Variants in SAXO1 observed in about 807,000 individuals in gnomAD.
SAXO1 encodes stabilizer of axonemal microtubules 1.
In SAXO1, 21 loss-of-function variants were observed where a neutral mutation model predicts 17.5. That is an observed-to-expected ratio of 1.20 (90% CI 0.85 to 1.72). SAXO1 has a LOEUF of 1.72. SAXO1 is among the 40% of genes most tolerant of loss of function. The pLI is 0.00. For synonymous variants in SAXO1, 274 were observed against 216.5 expected, an observed-to-expected ratio of 1.27 and a Z score of -2.33; for missense variants, 843 against 596.0, an observed-to-expected ratio of 1.41 and a Z score of -4.32.
At position 19,032,788 on chromosome 9, in the gene SAXO1, G is replaced by A. The variant is rs370430975; in HGVS notation, c.38+83C>T. On this transcript the variant is annotated intron_variant, in intron 1 of 3. Coordinates refer to ENST00000380534, the MANE Select transcript of SAXO1 (RefSeq NM_153707.4). ...CGAACCCACCGTGATGCCGCCTGATGAAGCAGCTGGGGGAGGCTTCCCTTC... is the reference window on the plus strand; with the variant it reads ...CGAACCCACCGTGATGCCGCCTGATAAAGCAGCTGGGGGAGGCTTCCCTTC... 2.9e-4 allele frequency: 432 copies of A among 1,490,330 alleles called. 4 individuals carry two copies. In the East Asian group the frequency reaches 8.8e-3, roughly 30 times the overall value. The allele number at this position is 1,490,330 out of a possible 1,614,324, so 92.3% of individuals were successfully genotyped here.
chr9:19,007,973 CT>C (rs112830612), intron 1 of SAXO1, among the ~76,000 whole-genome samples: 6,836 of 140,020 alleles, frequency 0.049, 255 homozygotes, highest in African/African-American at 0.11. Context: ...ACTACCAGGT[CT>C]TTTTTTTTTT....
chr9:18,959,467 G>A (rs1832394225), intron 1 of SAXO1, among the ~76,000 whole-genome samples: 1 of 152,124 alleles, frequency 6.6e-6, no homozygotes, highest in Admixed American at 6.6e-5. Context: ...GAGTGCACGA[G>A]GCAGGACTAG....
At chr9:18,980,861 T>C (rs1447780267) in intron 1 of SAXO1, among the ~76,000 whole-genome samples, 1 of 146,696 alleles carries the variant, frequency 6.8e-6, no homozygotes, top group Non-Finnish European at 1.5e-5. Context: ...TCACCGCTCA[T>C]CCATCAGTTA....
chr9:18,936,128 C>CTCCT (rs1831279066), intron 3 of SAXO1, among the ~76,000 whole-genome samples: 1 of 152,164 alleles, frequency 6.6e-6, no homozygotes, highest in African/African-American at 2.4e-5. Flanking sequence ...ATTTGCCAAG[C>CTCCT]TCCTTACTCC....
intron 1 of SAXO1, among the ~76,000 whole-genome samples, chr9:18,954,706 T>C (rs1832183168): frequency 6.6e-6 from 1 of 152,142 alleles, no homozygotes; most frequent in Non-Finnish European, 1.5e-5. Context: ...CATTATGTTA[T>C]GTAGATGAAA....
chr9:18,982,956 T>C (rs1233632149), intron 1 of SAXO1, among the ~76,000 whole-genome samples: 1 of 152,084 alleles, frequency 6.6e-6, no homozygotes, highest in African/African-American at 2.4e-5. Flanking sequence ...GTGTGAACAC[T>C]AAGGATGCTG....
chr9:18,948,801 G>A (rs1462197272), intron 2 of SAXO1, among the ~76,000 whole-genome samples: 1 of 152,116 alleles, frequency 6.6e-6, no homozygotes, highest in Non-Finnish European at 1.5e-5. Flanking sequence ...TATACTTTCA[G>A]GATAGGAAAT....
rs10121570 is a variant in SAXO1, at chr9:18,989,788, G to T, written c.39-38851C>A. 6.5e-3 allele frequency among the ~76,000 whole-genome samples: 989 copies of T among 152,270 alleles called. 11 individuals are homozygous for T. Among genetic ancestry groups the T allele is most frequent in the African/African-American group, 0.023 (942 of 41,552 alleles). On this transcript the variant is annotated intron_variant, in intron 1 of 3. Transcript: ENST00000380534. ...TGTAGGTAGCAGGCAGCTTTTCATG[G>T]TGTACAACTTGAGGGACATGATAAG...
intron 1 of SAXO1, among the ~76,000 whole-genome samples, chr9:18,976,647 T>C (rs1049098954): frequency 2.0e-5 from 3 of 152,320 alleles, no homozygotes; most frequent in South Asian, 2.1e-4. Flanking sequence ...CCGCACTCTT[T>C]ACGAGGTTAA....
intron 1 of SAXO1, chr9:19,027,730 G>T (rs1273012697): frequency 2.8e-6 from 4 of 1,430,690 alleles, no homozygotes; most frequent in Middle Eastern, 1.8e-4. Flanking sequence ...TTGACAGCGA[G>T]AAGTCCGGGG....
At chr9:18,990,283 G>A (rs1256048009) in intron 1 of SAXO1, among the ~76,000 whole-genome samples, 1 of 151,472 alleles carries the variant, frequency 6.6e-6, no homozygotes, top group East Asian at 1.9e-4. Flanking sequence ...TATAACAAAC[G>A]CTCCCAGTTA....
rs539531857 is a variant in SAXO1, at chr9:18,928,350, G to C, written c.1127C>G (p.Ala376Gly). 5 of 1,613,368 alleles carry C rather than the reference G, an allele frequency of 3.1e-6. No homozygotes were observed. The African/African-American group carries it at 5.3e-5, about 17-fold the overall frequency. Reference protein sequence around the residue: ...EPLDCLTTTRAHYVPHLPINT... With the variant: ...EPLDCLTTTRGHYVPHLPINT... ...GATAGGCAGGTGGGGCACATAGTGGGCCCGAGTGGTGGTCAGGCAGTCCAG... is the reference window on the plus strand; with the variant it reads ...GATAGGCAGGTGGGGCACATAGTGGCCCCGAGTGGTGGTCAGGCAGTCCAG... The change falls in exon 4 of 4, where the codon GCC (alanine) becomes GGC (glycine). Residue 376 changes from alanine to glycine, a missense_variant. Physicochemically the swap from Ala to Gly is moderately conservative, Grantham distance 60. Transcript: ENST00000380534.
intron 1 of SAXO1, among the ~76,000 whole-genome samples, chr9:18,988,357 C>G (rs147127245): frequency 1.3e-3 from 195 of 152,278 alleles, no homozygotes; most frequent in Admixed American, 4.2e-3. Context: ...AAAAAGCATC[C>G]ATTCAAATTT....
chr9:18,935,685 C>G (rs556900551), intron 3 of SAXO1, among the ~76,000 whole-genome samples: 47 of 152,322 alleles, frequency 3.1e-4, no homozygotes, highest in African/African-American at 1.1e-3. Context: ...CTCTGAAGCT[C>G]CCTTCTTACA....
rs112076876 is a variant in SAXO1, at chr9:18,932,140, A to C, written c.422-3085T>G. Among the ~76,000 whole-genome samples the C allele has an allele frequency of 3.0e-3, 458 of 152,352 alleles. 4 individuals carry two copies. The highest frequency in any genetic ancestry group is 0.011 in the African/African-American group (443 of 41,586). On this transcript the variant is annotated intron_variant, in intron 3 of 3. Coordinates refer to ENST00000380534, the MANE Select transcript of SAXO1 (RefSeq NM_153707.4). ...TTCTTTGCCTGTCCCAAGATATCAT[A>C]GATTTTTCTCCCATGTTTTATTTTG...
At chr9:19,009,922 A>T (rs62560426) in intron 1 of SAXO1, among the ~76,000 whole-genome samples, 11,022 of 151,330 alleles carry the variant, frequency 0.073, 496 homozygotes, top group African/African-American at 0.12. Flanking sequence ...CGCCTCCTGG[A>T]CTCAAGCTAT....
chr9:18,958,426 AAAAT>A (rs1832343041), intron 1 of SAXO1, among the ~76,000 whole-genome samples: 1 of 152,144 alleles, frequency 6.6e-6, no homozygotes, highest in African/African-American at 2.4e-5. Flanking sequence ...TCCGTCTGAG[AAAAT>A]AAATAAGTAA....
At chr9:19,016,498 C>A (rs982207021) in intron 1 of SAXO1, among the ~76,000 whole-genome samples, 7 of 151,128 alleles carry the variant, frequency 4.6e-5, no homozygotes, top group African/African-American at 1.5e-4. Context: ...TGCCTCTAGC[C>A]CAGTGATTCT....
At chr9:18,940,830 C>T (rs1025744704) in intron 3 of SAXO1, among the ~76,000 whole-genome samples, 5 of 152,146 alleles carry the variant, frequency 3.3e-5, no homozygotes, top group Admixed American at 6.5e-5. Flanking sequence ...CCTTCAGTTT[C>T]TAGGACCACA....
Sources: allele counts gnomAD v4.1 joint callset (sites outside exome capture counted in the v4.1 genomes callset), GRCh38; gene constraint gnomAD v4.1.1; transcripts MANE v1.5; gene names NCBI Gene and HGNC (gene_info 2026-07-23, HGNC 2026-07-21).